PDZRN3: variants seen among roughly 807,000 people sequenced by gnomAD.
PDZRN3 encodes E3 ubiquitin-protein ligase PDZRN3.
PDZRN3 carries 38 observed loss-of-function variants against 85.7 expected under a neutral mutation model. That is an observed-to-expected ratio of 0.44 (90% CI 0.34 to 0.58). The LOEUF is 0.58. Among genes scored for constraint, PDZRN3 ranks in the 20% least tolerant of loss-of-function variants. PDZRN3 has a pLI of 0.01. For missense variants in PDZRN3, 1,629 were observed against 1,506.4 expected, an observed-to-expected ratio of 1.08 and a Z score of -1.35; for synonymous variants, 759 against 638.0, an observed-to-expected ratio of 1.19 and a Z score of -2.86.
intron 3 of PDZRN3, among the ~76,000 whole-genome samples, chr3:73,513,402 A>T (rs910438713): frequency 7.9e-5 from 12 of 152,220 alleles, no homozygotes; most frequent in Non-Finnish European, 1.8e-4. Context: ...TCGGAACCAT[A>T]AAAGATGGTC....
At chr3:73,439,300 C>A (rs1702588315) in intron 3 of PDZRN3, among the ~76,000 whole-genome samples, 1 of 152,188 alleles carries the variant, frequency 6.6e-6, no homozygotes, top group Non-Finnish European at 1.5e-5. Context: ...AGCAGATGGA[C>A]TATAGTGTCT....
rs990189858 is a variant in PDZRN3 at position 73,603,874 on chromosome 3, CACACACACACAT to C, written c.811-1425_811-1414del. Reference sequence around the variant, plus strand: ...TTCCTTCTTCACACTTCCCCAAACACACACACACACATACACACACACACACACACACACAGA... The same window carrying C: ...TTCCTTCTTCACACTTCCCCAAACACACACACACACACACACACACACAGA... On this transcript the variant is annotated intron_variant, in intron 2 of 9. Coordinates refer to ENST00000263666, the MANE Select transcript of PDZRN3 (RefSeq NM_015009.3). 6.6e-4 allele frequency among the ~76,000 whole-genome samples: 65 copies of C among 99,160 alleles called. No homozygotes were observed. In the South Asian group the frequency reaches 0.026, roughly 40 times the overall value. The allele number at this position is 99,160 out of a possible 152,430, so 65.1% of individuals were successfully genotyped here. A position where few individuals can be genotyped will look rare whatever the true frequency, so the allele number is the denominator to read the frequency against.
chr3:73,562,995 ATATATATATATATATATAT>A (rs1348112760), intron 3 of PDZRN3, among the ~76,000 whole-genome samples: 1 of 29,092 alleles, frequency 3.4e-5, no homozygotes, highest in African/African-American at 1.4e-4. Flanking sequence ...ATATATATAT[ATATATATATATATATATAT>A]TTTTTTTTTT....
intron 3 of PDZRN3, chr3:73,569,438 TCTC>T: frequency 1.8e-6 from 2 of 1,137,848 alleles, no homozygotes; most frequent in Non-Finnish European, 2.2e-6. Context: ...CATGTCACGT[TCTC>T]TTAAGCCCCG....
In PDZRN3 at chr3:73,487,823, G is replaced by A. The variant is rs1480516491; in HGVS notation, c.919-83428C>T. ...CAATTTCTTGCTCTTTGCCAGAAGC[G>A]GGGCCTTTGGCTGCTCATTACTTAA... On this transcript the variant is annotated intron_variant, in intron 3 of 9. Transcript: ENST00000263666. Among the ~76,000 whole-genome samples, 9 of 152,270 alleles carry A rather than the reference G, an allele frequency of 5.9e-5. No individual in the cohort carries two copies. The East Asian group carries it at 1.2e-3, about 20-fold the overall frequency.
chr3:73,478,988 C>T (rs1382322889), intron 3 of PDZRN3, among the ~76,000 whole-genome samples: 8 of 152,176 alleles, frequency 5.3e-5, no homozygotes, highest in Non-Finnish European at 7.3e-5. Context: ...TGGCAAAAGT[C>T]GCAATTACTT....
intron 9 of PDZRN3, 36 bp from the exon 10 acceptor site, chr3:73,384,966 G>A (rs746882587): frequency 6.4e-7 from 1 of 1,556,020 alleles, no homozygotes; most frequent in Non-Finnish European, 8.7e-7. Flanking sequence ...CACAGTGAGG[G>A]AGGCCTGCGC....
chr3:73,578,571 G>A (rs1350197483), intron 3 of PDZRN3, among the ~76,000 whole-genome samples: 1 of 152,156 alleles, frequency 6.6e-6, no homozygotes, highest in Non-Finnish European at 1.5e-5. Context: ...TGATGAAAAG[G>A]AAAGGGAGAA....
At position 73,466,749 on chromosome 3, in the gene PDZRN3, A is replaced by C. The variant is rs145423316; in HGVS notation, c.919-62354T>G. 7.3e-3 allele frequency among the ~76,000 whole-genome samples: 1,110 copies of C among 152,252 alleles called. 11 individuals carry two copies. Among genetic ancestry groups the C allele is most frequent in the African/African-American group, 0.025 (1,047 of 41,548 alleles). On this transcript the variant is annotated intron_variant, in intron 3 of 9. Coordinates refer to ENST00000263666, the MANE Select transcript of PDZRN3 (RefSeq NM_015009.3). ...AAAAGGGCTTCTTTATTATAATATA[A>C]ATCTTGCTTAAAACCATACACCCCC...
At chr3:73,540,107 A>C (rs1047705195) in intron 3 of PDZRN3, among the ~76,000 whole-genome samples, 11 of 151,366 alleles carry the variant, frequency 7.3e-5, no homozygotes, top group African/African-American at 2.7e-4. Context: ...AAAAAAAAAA[A>C]AAAACAGTTC....
At chr3:73,495,959 T>C (rs1703858038) in intron 3 of PDZRN3, among the ~76,000 whole-genome samples, 1 of 151,330 alleles carries the variant, frequency 6.6e-6, no homozygotes. Flanking sequence ...CCCTTCCCCC[T>C]ATCCCCATCC....
intron 3 of PDZRN3, among the ~76,000 whole-genome samples, chr3:73,589,201 T>A (rs1274282948): frequency 1.3e-5 from 2 of 152,102 alleles, no homozygotes; most frequent in Non-Finnish European, 2.9e-5. Context: ...TTTGTATTTG[T>A]CACAAGCAAC....
chr3:73,529,289 G>A (rs925547606), intron 3 of PDZRN3, among the ~76,000 whole-genome samples: 20 of 152,102 alleles, frequency 1.3e-4, no homozygotes, highest in Non-Finnish European at 1.8e-4. Context: ...GTTTGGTGCC[G>A]GCACCCTTGC....
intron 3 of PDZRN3, among the ~76,000 whole-genome samples, chr3:73,409,961 T>A (rs561989176): frequency 6.6e-6 from 1 of 152,318 alleles, no homozygotes; most frequent in Admixed American, 6.5e-5. Flanking sequence ...TCATATAAAG[T>A]ACGAATGCAA....
Position 73,543,849 on chromosome 3 carries a change from A to G in PDZRN3, c.918+58505T>C, listed in dbSNP as rs150176520. 2.6e-5 allele frequency among the ~76,000 whole-genome samples: 4 copies of G among 152,374 alleles called. No homozygotes were observed. In the East Asian group the frequency reaches 7.7e-4, roughly 29 times the overall value. On this transcript the variant is annotated intron_variant, in intron 3 of 9. Transcript: ENST00000263666. ...TGTTCAACTTGCCTAACTGAGATTC[A>G]GTAGTTTTAGCTGTTATTATCAAAA...
In PDZRN3 at chr3:73,383,203, A is replaced by C; in HGVS notation, c.*162T>G. Reference sequence around the variant, plus strand: ...GGGTGTTTTTCTCTCTCTTCCCTTAAAATAGACCTATGACACCCAGAGTTG... The same window carrying C: ...GGGTGTTTTTCTCTCTCTTCCCTTACAATAGACCTATGACACCCAGAGTTG... On this transcript the variant is annotated 3_prime_UTR_variant, in exon 10 of 10. Transcript: ENST00000263666. 1 of 607,400 alleles carries C rather than the reference A, an allele frequency of 1.6e-6. No homozygotes were observed. Among genetic ancestry groups the C allele is most frequent in the Middle Eastern group, 4.0e-4 (1 of 2,486 alleles). 37.6% of individuals were successfully genotyped at this position (607,400 alleles called of 1,614,324 possible).
intron 3 of PDZRN3, among the ~76,000 whole-genome samples, chr3:73,572,381 C>T (rs1702057031): frequency 6.6e-6 from 1 of 152,148 alleles, no homozygotes; most frequent in African/African-American, 2.4e-5. Flanking sequence ...TGTTCTATTC[C>T]AGTATACTCT....
intron 3 of PDZRN3, among the ~76,000 whole-genome samples, chr3:73,562,008 T>G (rs1346112749): frequency 6.6e-6 from 1 of 152,106 alleles, no homozygotes; most frequent in Admixed American, 6.5e-5. Context: ...GCTCCTTAAA[T>G]TTCAGTGCTG....
chr3:73,563,843 A>G (rs1362719882), intron 3 of PDZRN3, among the ~76,000 whole-genome samples: 2 of 152,222 alleles, frequency 1.3e-5, no homozygotes, highest in African/African-American at 2.4e-5. Flanking sequence ...GAGGGGGAAA[A>G]CAATCTGACA....
Sources: allele counts gnomAD v4.1 joint callset (sites outside exome capture counted in the v4.1 genomes callset), GRCh38; gene constraint gnomAD v4.1.1; transcripts MANE v1.5; gene names NCBI Gene and HGNC (gene_info 2026-07-23, HGNC 2026-07-21).